MYO10: variants seen among roughly 807,000 people sequenced by gnomAD.
MYO10 encodes the protein unconventional myosin-X.
A neutral mutation model predicts 257.3 loss-of-function variants in MYO10; 133 were observed. That is an observed-to-expected ratio of 0.52 (90% CI 0.45 to 0.60). MYO10 has a LOEUF of 0.60. Ranked by LOEUF, MYO10 falls within the 20% of genes least tolerant of loss-of-function variation. The probability of loss-of-function intolerance (pLI) is 0.00; values close to 1 mark genes in which losing one functional copy is unlikely to be tolerated. For synonymous variants in MYO10, 1,104 were observed against 1,028.6 expected (o/e 1.07, Z -1.40); for missense variants, 2,399 against 2,635.7 (o/e 0.91, Z 1.97).
chr5:16,765,194 G>A (rs1740828341), intron 11 of MYO10, among the ~76,000 whole-genome samples: 1 of 152,206 alleles, frequency 6.6e-6, no homozygotes. Flanking sequence ...GTGTGTCTGT[G>A]TGGGTGACAT....
chr5:16,862,271 G>A (rs539712832), intron 2 of MYO10, among the ~76,000 whole-genome samples: 12 of 152,360 alleles, frequency 7.9e-5, no homozygotes, highest in African/African-American at 2.9e-4. Flanking sequence ...TCAGTGCACT[G>A]TGGATGCCTG....
rs571302743 is a variant in MYO10 at position 16,722,378 on chromosome 5, ACT to A, written c.1930-11135_1930-11134del. ...GTGTGTCACCCTACGTATCAGATAC[ACT>A]CTCACTTACGCTGGTATATTTGCAT... On this transcript the variant is annotated intron_variant, in intron 19 of 40. Transcript: ENST00000513610. Among the ~76,000 whole-genome samples the A allele has an allele frequency of 2.1e-4, 32 of 152,154 alleles. No individual in the cohort carries two copies. In the South Asian group the frequency reaches 6.4e-3, roughly 31 times the overall value.
chr5:16,696,093 A>G (rs1432756976), intron 26 of MYO10, among the ~76,000 whole-genome samples: 1 of 152,232 alleles, frequency 6.6e-6, no homozygotes, highest in Non-Finnish European at 1.5e-5. Context: ...AAGCTTATTC[A>G]CAGTTGTTTC....
chr5:16,870,649 T>C (rs1744427280), intron 2 of MYO10, among the ~76,000 whole-genome samples: 2 of 152,114 alleles, frequency 1.3e-5, no homozygotes, highest in African/African-American at 4.8e-5. Context: ...TCCCAGCACT[T>C]TGGGTGGCCA....
rs141695358 is a variant in MYO10, at chr5:16,915,758, C to G, written c.21+20030G>C. ...ATCACCTAAGGTCAGGAGTTCGAGA[C>G]CAGCCTGGCCAACATGGCAAAACCC... On this transcript the variant is annotated intron_variant, in intron 1 of 40. Transcript: ENST00000513610. Among the ~76,000 whole-genome samples, 779 of 152,284 alleles carry G rather than the reference C, an allele frequency of 5.1e-3. 5 individuals carry two copies. Among genetic ancestry groups the G allele is most frequent in the African/African-American group, 0.018 (736 of 41,558 alleles).
In MYO10 at chr5:16,672,748, G is replaced by A. The variant is rs760291981; in HGVS notation, c.5250C>T (p.His1750=). The A allele has an allele frequency of 1.1e-5, 18 of 1,613,884 alleles. No homozygotes were observed. The highest frequency in any genetic ancestry group is 3.3e-5 in the South Asian group (3 of 91,082). The part of the protein sequence containing the change: ...NMFALFEYNG[H]VDKAIESRTV... ...TTCGACTTTCAATGGCTTTGTCGACGTGGCCGTTGTATTCAAACAAAGCAA... is the reference window on the plus strand; with the variant it reads ...TTCGACTTTCAATGGCTTTGTCGACATGGCCGTTGTATTCAAACAAAGCAA... The change falls in exon 37 of 41, where the codon CAC becomes CAT. Residue 1750 remains histidine (H), a synonymous_variant. Transcript: ENST00000513610.
chr5:16,715,703 A>C (rs1738838640), intron 19 of MYO10, among the ~76,000 whole-genome samples: 1 of 152,138 alleles, frequency 6.6e-6, no homozygotes, highest in South Asian at 2.1e-4. Flanking sequence ...GCAGATTTTA[A>C]ATAAGGCAAT....
At chr5:16,882,073 T>C (rs62370991) in intron 1 of MYO10, among the ~76,000 whole-genome samples, 5,911 of 152,314 alleles carry the variant, frequency 0.039, 162 homozygotes, top group Middle Eastern at 0.13. Context: ...GTTAATATAA[T>C]GGCTAAAAAT....
In MYO10 at chr5:16,682,271, C is replaced by G. The variant is rs139266887; in HGVS notation, c.4047-258G>C. 3.0e-3 allele frequency among the ~76,000 whole-genome samples: 450 copies of G among 152,304 alleles called. 1 individual carries two copies. The highest frequency in any genetic ancestry group is 0.01 in the African/African-American group (419 of 41,564). ...AAAACATTTCTTCATGCAAAACTTT[C>G]CAGATGAAACTCAGTTCCGGGAAGG... On this transcript the variant is annotated intron_variant, in intron 30 of 40. Coordinates refer to ENST00000513610, the MANE Select transcript of MYO10 (RefSeq NM_012334.3).
chr5:16,745,230 C>T (rs905646620), intron 19 of MYO10, among the ~76,000 whole-genome samples: 1 of 152,116 alleles, frequency 6.6e-6, no homozygotes, highest in African/African-American at 2.4e-5. Flanking sequence ...ATCCCAGCTA[C>T]TCTGGAGGCT....
intron 2 of MYO10, among the ~76,000 whole-genome samples, chr5:16,838,958 A>G (rs575198503): frequency 2.0e-5 from 3 of 152,202 alleles, no homozygotes; most frequent in Admixed American, 2.0e-4. Flanking sequence ...CTGCTCAGAA[A>G]AAAAGATTTC....
chr5:16,930,544 G>GCT (rs1263551958), intron 1 of MYO10, among the ~76,000 whole-genome samples: 1 of 152,136 alleles, frequency 6.6e-6, no homozygotes, highest in Admixed American at 6.6e-5. Flanking sequence ...AGAACAAAAA[G>GCT]CTCTAAGGTC....
chr5:16,763,564 A>T lies in MYO10; in HGVS notation c.1428-17T>A. 6.2e-7 allele frequency: 1 copy of T among 1,604,344 alleles called. No individual in the cohort carries two copies. The highest frequency in any genetic ancestry group is 8.5e-7 in the Non-Finnish European group (1 of 1,171,210). ...AATCCTTCCCTGTAGAAAGATTTTA[A>T]ACAGCCAAGTTAAATGAAAACATAG... On this transcript the variant is annotated splice_polypyrimidine_tract_variant and intron_variant, in intron 13 of 40. Coordinates refer to ENST00000513610, the MANE Select transcript of MYO10 (RefSeq NM_012334.3).
chr5:16,854,648 C>T (rs922295688), intron 2 of MYO10, among the ~76,000 whole-genome samples: 4 of 152,208 alleles, frequency 2.6e-5, no homozygotes, highest in African/African-American at 9.6e-5. Flanking sequence ...TTTCACAATT[C>T]TGTGACTATA....
chr5:16,841,012 G>C (rs918611296), intron 2 of MYO10, among the ~76,000 whole-genome samples: 1 of 151,946 alleles, frequency 6.6e-6, no homozygotes, highest in African/African-American at 2.4e-5. Flanking sequence ...GGGCGTGGTG[G>C]CAGGTGCCTG....
intron 18 of MYO10, among the ~76,000 whole-genome samples, chr5:16,757,327 C>T (rs1411752699): frequency 6.7e-6 from 1 of 148,446 alleles, no homozygotes; most frequent in South Asian, 2.2e-4. Context: ...CACACACACA[C>T]ACACACACAC....
chr5:16,665,207 G>GA lies in MYO10; in HGVS notation c.*1484dup, dbSNP rs200285816. ...AACAGAGTGAGACTCTGTCTCTAAA[G>GA]AAAAAAAAAAAAAACCACCAAAAAG... On this transcript the variant is annotated 3_prime_UTR_variant, in exon 41 of 41. Coordinates refer to ENST00000513610, the MANE Select transcript of MYO10 (RefSeq NM_012334.3). 55,074 of 128,018 alleles carry GA rather than the reference G, an allele frequency of 0.43. 10,848 individuals carry two copies. Among genetic ancestry groups the GA allele is most frequent in the South Asian group, 0.6 (2,563 of 4,238 alleles). 7.9% of individuals were successfully genotyped at this position (128,018 alleles called of 1,614,324 possible). A position where few individuals can be genotyped will look rare whatever the true frequency, so the allele number is the denominator to read the frequency against.
intron 1 of MYO10, among the ~76,000 whole-genome samples, chr5:16,897,771 G>A (rs1456509959): frequency 6.6e-6 from 1 of 152,302 alleles, no homozygotes; most frequent in East Asian, 1.9e-4. Context: ...GATTGTAGGG[G>A]GGCAGAGCCA....
intron 2 of MYO10, among the ~76,000 whole-genome samples, chr5:16,864,246 T>C (rs1396017484): frequency 1.3e-5 from 2 of 152,030 alleles, no homozygotes; most frequent in East Asian, 1.9e-4. Flanking sequence ...GCATGCGCCA[T>C]TCTGATGACT....
Sources: gnomAD v4.1 joint callset for allele counts (sites outside exome capture counted in the v4.1 genomes callset) on GRCh38, gnomAD v4.1.1 for gene constraint, MANE v1.5 for transcripts, NCBI Gene and HGNC (gene_info 2026-07-23, HGNC 2026-07-21) for gene names.